The following CUL2 variants were observed in gnomAD, a reference collection of about 807,000 sequenced individuals.
CUL2 encodes the protein cullin 2.
In CUL2, 22 loss-of-function variants were observed where a neutral mutation model predicts 110.2. The observed-to-expected ratio is 0.20, with a 90% CI of 0.14 to 0.28. CUL2 has a LOEUF of 0.28. Ranked by LOEUF, CUL2 falls within the 10% of genes least tolerant of loss-of-function variation. The pLI is 1.00. For synonymous variants in CUL2, 279 were observed against 293.2 expected (o/e 0.95, Z 0.49); for missense variants, 631 against 905.5 (o/e 0.70, Z 3.89).
At chr10:35,117,862 A>C (rs540892778) in intron 1 of CUL2, among the ~76,000 whole-genome samples, 1 of 152,356 alleles carries the variant, frequency 6.6e-6, no homozygotes, top group African/African-American at 2.4e-5. Context: ...ATGCTTTAAA[A>C]AACTGTCTTT....
chr10:35,028,415 GGACA>G (rs2085386935), intron 16 of CUL2, among the ~76,000 whole-genome samples: 2 of 152,140 alleles, frequency 1.3e-5, no homozygotes, highest in Admixed American at 6.5e-5. Flanking sequence ...CTACATTACA[GGACA>G]GAAATAAAAA....
intron 17 of CUL2, among the ~76,000 whole-genome samples, chr10:35,017,259 G>A (rs1454001469): frequency 6.6e-6 from 1 of 152,112 alleles, no homozygotes; most frequent in East Asian, 1.9e-4. Flanking sequence ...AGGCAAACAG[G>A]TATGAAAGGA....
chr10:35,098,609 A>G (rs1350519927), intron 2 of CUL2, among the ~76,000 whole-genome samples: 1 of 152,176 alleles, frequency 6.6e-6, no homozygotes, highest in East Asian at 1.9e-4. Flanking sequence ...GGATGATGAC[A>G]AAGAAGATGG....
chr10:35,019,505 T>G (rs986227228), intron 17 of CUL2, among the ~76,000 whole-genome samples: 1 of 152,116 alleles, frequency 6.6e-6, no homozygotes, highest in African/African-American at 2.4e-5. Context: ...ACTTCAAACT[T>G]GGATGATTCA....
At chr10:35,076,225 A>G (rs888840653) in intron 1 of CUL2, among the ~76,000 whole-genome samples, 11 of 152,188 alleles carry the variant, frequency 7.2e-5, no homozygotes, top group Non-Finnish European at 1.3e-4. Flanking sequence ...AGAATAGGCA[A>G]ATCTAGAGAC....
chr10:35,104,227 G>A (rs1033375497), intron 1 of CUL2, among the ~76,000 whole-genome samples: 61 of 152,300 alleles, frequency 4.0e-4, no homozygotes, highest in African/African-American at 1.3e-3. Flanking sequence ...AAGGTGGATT[G>A]CTTGAGCTCA....
chr10:35,113,738 G>A (rs1448241151), intron 1 of CUL2, among the ~76,000 whole-genome samples: 7 of 150,932 alleles, frequency 4.6e-5, no homozygotes, highest in East Asian at 1.9e-4. Flanking sequence ...ACGGAGTTTC[G>A]CTCTGTCACC....
intron 17 of CUL2, among the ~76,000 whole-genome samples, chr10:35,017,152 G>A (rs2085057557): frequency 1.3e-5 from 2 of 151,976 alleles, no homozygotes; most frequent in Admixed American, 1.3e-4. Flanking sequence ...CAGCCACATG[G>A]AAAATGCTTT....
intron 3 of CUL2, among the ~76,000 whole-genome samples, chr10:35,061,325 T>A (rs990792686): frequency 4.6e-5 from 7 of 151,678 alleles, no homozygotes; most frequent in Non-Finnish European, 7.4e-5. Context: ...TAAAAAAAAA[T>A]TAGCCAGCCG....
chr10:35,012,922 TG>T (rs2084940177), intron 19 of CUL2, among the ~76,000 whole-genome samples: 1 of 152,140 alleles, frequency 6.6e-6, no homozygotes, highest in Non-Finnish European at 1.5e-5. Context: ...CTCCTCACAC[TG>T]GCCTGTCAGT....
intron 17 of CUL2, among the ~76,000 whole-genome samples, chr10:35,023,684 C>T (rs1251158542): frequency 6.6e-6 from 1 of 151,988 alleles, no homozygotes; most frequent in East Asian, 1.9e-4. Context: ...TGTTTAAACT[C>T]CCCCAGACAG....
chr10:35,113,680 A>G lies in CUL2; in HGVS notation c.-50-12620T>C, dbSNP rs181322990. The stretch of plus-strand genomic sequence containing the variant: ...CAATAGGAACAAACTCAGAAATAAT[A>G]GATATGATGAATCTAGCAGACAAGT... On this transcript the variant is annotated intron_variant, in intron 1 of 5. Coordinates refer to the CUL2 transcript ENST00000685421. Among the ~76,000 whole-genome samples, 254 of 151,522 alleles carry G rather than the reference A, an allele frequency of 1.7e-3. 1 individual carries two copies. The highest frequency in any genetic ancestry group is 5.8e-3 in the African/African-American group (240 of 41,450).
intron 1 of CUL2, chr10:35,074,408 A>C: frequency 1.6e-6 from 1 of 614,674 alleles, no homozygotes; most frequent in Admixed American, 2.8e-5. Flanking sequence ...CTTTACCCTT[A>C]CTATTTTCTC....
chr10:35,103,612 C>T (rs573480045), intron 1 of CUL2, among the ~76,000 whole-genome samples: 96 of 152,016 alleles, frequency 6.3e-4, no homozygotes, highest in Middle Eastern at 3.4e-3. Flanking sequence ...CGTGAGCCAC[C>T]GCGCCCGGCC....
chr10:35,119,708 C>T (rs2087654755), intron 1 of CUL2, among the ~76,000 whole-genome samples: 1 of 151,794 alleles, frequency 6.6e-6, no homozygotes. Context: ...CTAGCTGGGA[C>T]TACAGACATG....
intron 2 of CUL2, among the ~76,000 whole-genome samples, chr10:35,067,139 C>CAA (rs71523356): frequency 0.011 from 851 of 76,672 alleles, 12 homozygotes; most frequent in African/African-American, 0.029. Flanking sequence ...AACTCCATCT[C>CAA]AAAAAAAAAA....
At chr10:35,053,166 A>G (rs1189890246) in intron 5 of CUL2, among the ~76,000 whole-genome samples, 3 of 152,196 alleles carry the variant, frequency 2.0e-5, no homozygotes, top group African/African-American at 7.2e-5. Context: ...TGCGAACTAA[A>G]TTGTTTACAG....
intron 1 of CUL2, among the ~76,000 whole-genome samples, chr10:35,122,799 A>G (rs567901836): frequency 6.6e-6 from 1 of 152,138 alleles, no homozygotes; most frequent in Non-Finnish European, 1.5e-5. Context: ...CACCATGCCC[A>G]GCTTATTTTT....
In CUL2 at chr10:35,048,567, G is replaced by C. The variant is rs183065693; in HGVS notation, c.506+1116C>G. Among the ~76,000 whole-genome samples the C allele has an allele frequency of 2.1e-3, 326 of 152,250 alleles. 1 individual carries two copies. The highest frequency in any genetic ancestry group is 0.01 in the South Asian group (50 of 4,828). ...AAGAAAAGTTAGTATATTTTAGCAGGAGAAATTATATTAGAACTTAGAAGT... is the reference window on the plus strand; with the variant it reads ...AAGAAAAGTTAGTATATTTTAGCAGCAGAAATTATATTAGAACTTAGAAGT... On this transcript the variant is annotated intron_variant, in intron 6 of 20. Coordinates refer to ENST00000374749, the MANE Select transcript of CUL2 (RefSeq NM_003591.4).
Sources: allele counts gnomAD v4.1 joint callset (sites outside exome capture counted in the v4.1 genomes callset), GRCh38; gene constraint gnomAD v4.1.1; transcripts MANE v1.5; gene names NCBI Gene and HGNC (gene_info 2026-07-23, HGNC 2026-07-21).